MGLL: variants seen among roughly 807,000 people sequenced by gnomAD.
The protein encoded by MGLL is lysophospholipase homolog.
A neutral mutation model predicts 29.1 loss-of-function variants in MGLL; 7 were observed. That is an observed-to-expected ratio of 0.24 (90% confidence interval 0.14 to 0.45). The LOEUF (loss-of-function observed/expected upper bound fraction) is 0.45, where lower values mean the gene tolerates loss of function less well. MGLL is among the 20% of genes least tolerant of loss of function. MGLL has a pLI of 0.99. For missense variants in MGLL, 356 were observed against 413.6 expected, an observed-to-expected ratio of 0.86 and a Z score of 1.21; for synonymous variants, 148 against 168.3, an observed-to-expected ratio of 0.88 and a Z score of 0.93.
At chr3:127,757,931 C>A (rs2076693260) in intron 3 of MGLL, among the ~76,000 whole-genome samples, 1 of 152,232 alleles carries the variant, frequency 6.6e-6, no homozygotes, top group Admixed American at 6.5e-5. Context: ...TGATGTTATT[C>A]CATCAAATCT....
At chr3:127,721,206 C>G (rs1490518126) in intron 4 of MGLL, 43 bp from the exon 5 acceptor site, 1 of 1,523,416 alleles carries the variant, frequency 6.6e-7, no homozygotes, top group Non-Finnish European at 9.1e-7. Context: ...CGGCTTGCAC[C>G]AGTGCACACA....
At chr3:127,807,541 T>C (rs768616650) in intron 2 of MGLL, among the ~76,000 whole-genome samples, 10 of 151,874 alleles carry the variant, frequency 6.6e-5, no homozygotes, top group Non-Finnish European at 1.0e-4. Context: ...TTTTTCAGTG[T>C]ATTAAGGTGA....
At chr3:127,809,223 T>C (rs1160462287) in intron 2 of MGLL, among the ~76,000 whole-genome samples, 1 of 152,158 alleles carries the variant, frequency 6.6e-6, no homozygotes, top group Admixed American at 6.5e-5. Context: ...ATGGAGCTAA[T>C]ATCCTCCAGA....
chr3:127,715,153 T>C (rs1385245778), intron 5 of MGLL, among the ~76,000 whole-genome samples: 1 of 152,096 alleles, frequency 6.6e-6, no homozygotes, highest in Non-Finnish European at 1.5e-5. Context: ...ATTCTGATTG[T>C]ATTGGCCAAA....
intron 2 of MGLL, among the ~76,000 whole-genome samples, chr3:127,794,894 T>A (rs562736261): frequency 1.4e-4 from 22 of 152,358 alleles, no homozygotes; most frequent in African/African-American, 5.3e-4. Context: ...TTGCTCGTCC[T>A]TTTGGAAGAA....
At chr3:127,728,519 T>C (rs1437828185) in intron 3 of MGLL, among the ~76,000 whole-genome samples, 1 of 152,252 alleles carries the variant, frequency 6.6e-6, no homozygotes, top group Admixed American at 6.5e-5. Flanking sequence ...TAACATATTC[T>C]GGAGGTCACT....
chr3:127,728,251 TTC>T (rs1335700249), intron 3 of MGLL, among the ~76,000 whole-genome samples: 2 of 152,214 alleles, frequency 1.3e-5, no homozygotes, highest in South Asian at 2.1e-4. Context: ...TCTAATTATT[TTC>T]TGTTTTTTCC....
At chr3:127,822,683 ATGCGGG>A (rs1202370455), upstream of MGLL, 18 of 292,240 alleles carry the variant, frequency 6.2e-5, no homozygotes. Context: ...AGACGCACAA[ATGCGGG>A]TGCCCAAGGC....
chr3:127,715,769 C>T (rs1347518800), intron 5 of MGLL: 1 of 456,590 alleles, frequency 2.2e-6, no homozygotes, highest in African/African-American at 2.0e-5. Flanking sequence ...CGAGGTCGAC[C>T]AGATGACTGC....
rs1345375320 is a variant in MGLL, at chr3:127,718,155, A to AG, written c.510+2897dup. Among the ~76,000 whole-genome samples, 13 of 133,706 alleles carry AG rather than the reference A, an allele frequency of 9.7e-5. No homozygotes were observed. In the South Asian group the frequency reaches 1.0e-3, roughly 11 times the overall value. 87.7% of individuals were successfully genotyped at this position (133,706 alleles called of 152,430 possible). A position where few individuals can be genotyped will look rare whatever the true frequency, so the allele number is the denominator to read the frequency against. ...GGGTGATCTGGCGTTCTCACATTGC[A>AG]GGGGGTGGGGGCTGGCCGTCTTCCA... On this transcript the variant is annotated intron_variant, in intron 5 of 7. Transcript: ENST00000265052.
chr3:127,741,323 G>T (rs935632974), intron 3 of MGLL, among the ~76,000 whole-genome samples: 1 of 152,208 alleles, frequency 6.6e-6, no homozygotes, highest in East Asian at 1.9e-4. Context: ...TGCTTTCTTG[G>T]GGGGGAAAGT....
At chr3:127,774,233 C>T (rs758124696) in intron 3 of MGLL, among the ~76,000 whole-genome samples, 16 of 152,232 alleles carry the variant, frequency 1.1e-4, no homozygotes, top group Non-Finnish European at 1.6e-4. Flanking sequence ...ACTGACTGTT[C>T]CCAGCTCTAG....
Position 127,705,789 on chromosome 3 carries a change from A to AAAAG in MGLL, c.600+4786_600+4787insCTTT, listed in dbSNP as rs1002222113. Among the ~76,000 whole-genome samples, 789 of 151,242 alleles carry AAAAG rather than the reference A, an allele frequency of 5.2e-3. 7 individuals carry two copies. Among genetic ancestry groups the AAAAG allele is most frequent in the African/African-American group, 0.018 (750 of 40,926 alleles). On this transcript the variant is annotated intron_variant, in intron 6 of 7. Transcript: ENST00000265052. Reference sequence around the variant, plus strand: ...GAAACTCCATCTCAAAAAAAAAAAAAAAGAAGAAGAAGAAGAAGAAGACAA... The same window carrying AAAAG: ...GAAACTCCATCTCAAAAAAAAAAAAAAAAGAAGAAGAAGAAGAAGAAGAAGACAA...
intron 2 of MGLL, among the ~76,000 whole-genome samples, chr3:127,808,068 T>C (rs988522090): frequency 3.9e-5 from 6 of 152,100 alleles, no homozygotes; most frequent in African/African-American, 1.4e-4. Flanking sequence ...ACGAAAACTC[T>C]TTTTTTCTCT....
chr3:127,787,096 A>T (rs1576290784), intron 2 of MGLL, among the ~76,000 whole-genome samples: 1 of 152,170 alleles, frequency 6.6e-6, no homozygotes, highest in Non-Finnish European at 1.5e-5. Flanking sequence ...TGCCTTCATG[A>T]CCATCCTCTC....
intron 6 of MGLL, among the ~76,000 whole-genome samples, chr3:127,710,144 G>C (rs917115762): frequency 4.6e-5 from 7 of 152,242 alleles, no homozygotes; most frequent in African/African-American, 1.2e-4. Context: ...CTGGGGGAAA[G>C]CCTGTCTGGG....
intron 2 of MGLL, among the ~76,000 whole-genome samples, chr3:127,794,047 T>C (rs2077343952): frequency 1.3e-5 from 2 of 152,206 alleles, no homozygotes; most frequent in Admixed American, 1.3e-4. Flanking sequence ...TGATGGGTTA[T>C]GCCTGTAATC....
intron 5 of MGLL, chr3:127,715,943 T>A (rs769495821): frequency 5.9e-5 from 24 of 406,212 alleles, no homozygotes; most frequent in Non-Finnish European, 1.2e-4. Context: ...ACAGGAGCAT[T>A]GAGAGAGCCT....
At chr3:127,740,860 G>A (rs981910614) in intron 3 of MGLL, among the ~76,000 whole-genome samples, 34 of 152,202 alleles carry the variant, frequency 2.2e-4, no homozygotes, top group African/African-American at 8.2e-4. Context: ...CACAGCACGG[G>A]AAAAGTGTTC....
Sources: gnomAD v4.1 joint callset for allele counts (sites outside exome capture counted in the v4.1 genomes callset) on GRCh38, gnomAD v4.1.1 for gene constraint, MANE v1.5 for transcripts, NCBI Gene and HGNC (gene_info 2026-07-23, HGNC 2026-07-21) for gene names.